The following APAF1 variants were observed in gnomAD, a reference collection of about 807,000 sequenced individuals.
APAF1 encodes apoptotic protease-activating factor 1.
In APAF1, 91 loss-of-function variants were observed where a neutral mutation model predicts 152.4. The observed-to-expected ratio is 0.60, with a 90% CI of 0.50 to 0.71. The LOEUF (loss-of-function observed/expected upper bound fraction) is 0.71, where lower values mean the gene tolerates loss of function less well. Among genes scored for constraint, APAF1 ranks in the 30% least tolerant of loss-of-function variants. APAF1 has a pLI of 0.00. For synonymous variants in APAF1, 484 were observed against 494.1 expected, an observed-to-expected ratio of 0.98 and a Z score of 0.27; for missense variants, 1,283 against 1,472.0, an observed-to-expected ratio of 0.87 and a Z score of 2.10.
Position 98,686,775 on chromosome 12 carries a change from C to A in APAF1, c.2206C>A (p.Arg736=), listed in dbSNP as rs150355642. Residue 736 remains arginine, a synonymous_variant, in exon 16 of 27, where the codon CGA becomes AGA. Transcript: ENST00000551964. The part of the protein sequence containing the change: ...KLWDLNQKEC[R]NTMFGHTNSV... ...TTGGGATTTGAATCAAAAAGAATGTCGAAATACCATGTTTGGTCATACAAA... is the reference window on the plus strand; with the variant it reads ...TTGGGATTTGAATCAAAAAGAATGTAGAAATACCATGTTTGGTCATACAAA... The A allele has an allele frequency of 7.4e-6, 12 of 1,613,380 alleles. No individual in the cohort carries two copies. Among genetic ancestry groups the A allele is most frequent in the Admixed American group, 1.7e-5 (1 of 59,962 alleles).
rs372848277 is a variant in APAF1 at position 98,654,706 on chromosome 12, C to T, written c.527-4454C>T. On this transcript the variant is annotated intron_variant, in intron 4 of 26. Coordinates refer to ENST00000551964, the MANE Select transcript of APAF1 (RefSeq NM_181861.2). ...ACAGGTGTGAGCTGCTGTGCCTGGC[C>T]GATTTTTACAAATTTTAGGTAGTAC... Among the ~76,000 whole-genome samples the T allele has an allele frequency of 1.3e-4, 20 of 150,612 alleles. No individual in the cohort carries two copies. In the East Asian group the frequency reaches 1.9e-3, roughly 15 times the overall value.
chr12:98,690,413 G>A (rs905220623), intron 16 of APAF1, among the ~76,000 whole-genome samples: 4 of 152,284 alleles, frequency 2.6e-5, no homozygotes, highest in Middle Eastern at 3.4e-3. Flanking sequence ...CAGAATACCC[G>A]TGGATGGATT....
At chr12:98,653,691 A>AAAAAATAT (rs2097652376) in intron 4 of APAF1, among the ~76,000 whole-genome samples, 1 of 15,088 alleles carries the variant, frequency 6.6e-5, no homozygotes, top group Non-Finnish European at 1.3e-4. Context: ...AAAAAAAAAA[A>AAAAAATAT]ATATATATAT....
At chr12:98,724,737 T>TTTA (rs139683823) in intron 24 of APAF1, among the ~76,000 whole-genome samples, 47,102 of 151,904 alleles carry the variant, frequency 0.31, 7,769 homozygotes, top group East Asian at 0.51. Flanking sequence ...TTCGTGAGCC[T>TTTA]GTCTTTGTGA....
rs2097644616 is a variant in APAF1 at position 98,648,336 on chromosome 12, A to G, written c.-24A>G. 6.2e-7 allele frequency: 1 copy of G among 1,612,868 alleles called. No homozygotes were observed. The highest frequency in any genetic ancestry group is 1.3e-5 in the African/African-American group (1 of 74,926). ...GGCTGTAGCTCATGGTTGACAGCTC[A>G]GAGAGAGAAAGATCTGAGGGAAGAT... On this transcript the variant is annotated 5_prime_UTR_variant, in exon 2 of 27. Transcript: ENST00000551964.
intron 4 of APAF1, among the ~76,000 whole-genome samples, chr12:98,658,009 T>A (rs1297747172): frequency 6.6e-6 from 1 of 152,210 alleles, no homozygotes; most frequent in Non-Finnish European, 1.5e-5. Flanking sequence ...ATTTAATTAT[T>A]TGTGAATACC....
rs778853424 is a variant in APAF1 at position 98,662,628 on chromosome 12, T to C, written c.824-47T>C. 6 of 1,608,512 alleles carry C rather than the reference T, an allele frequency of 3.7e-6. No homozygotes were observed. The South Asian group carries it at 5.5e-5, about 15-fold the overall frequency. On this transcript the variant is annotated intron_variant, in intron 6 of 26. Coordinates refer to ENST00000551964, the MANE Select transcript of APAF1 (RefSeq NM_181861.2). ...TATTTAATTTAATTACATTTAAATA[T>C]GTGACATACCAAATTACTTACTTTG... is the stretch of plus-strand genomic sequence containing the variant.
At chr12:98,680,838 A>G (rs2097691483) in intron 14 of APAF1, among the ~76,000 whole-genome samples, 1 of 152,258 alleles carries the variant, frequency 6.6e-6, no homozygotes, top group Admixed American at 6.5e-5. Context: ...AGACAAGTCC[A>G]TGGGTTAAAT....
chr12:98,723,407 T>TA (rs2097745850), intron 23 of APAF1, 95 bp downstream of exon 23: 1 of 1,392,414 alleles, frequency 7.2e-7, no homozygotes, highest in African/African-American at 1.4e-5. Flanking sequence ...GCTAATTACT[T>TA]ACTTAAAAAT....
intron 7 of APAF1, among the ~76,000 whole-genome samples, chr12:98,663,477 G>T (rs762402964): frequency 6.6e-6 from 1 of 152,022 alleles, no homozygotes; most frequent in South Asian, 2.1e-4. Context: ...GCCTCCTAAA[G>T]CACTGGGACT....
intron 22 of APAF1, among the ~76,000 whole-genome samples, chr12:98,720,639 C>T (rs1430853639): frequency 6.6e-6 from 1 of 152,102 alleles, no homozygotes; most frequent in Non-Finnish European, 1.5e-5. Context: ...TTACATGAGC[C>T]AGTATATAGG....
At chr12:98,651,272 ATTC>A (rs1270617174) in intron 4 of APAF1, among the ~76,000 whole-genome samples, 1 of 152,200 alleles carries the variant, frequency 6.6e-6, no homozygotes, top group East Asian at 1.9e-4. Context: ...AAAATTTCCT[ATTC>A]TTATTTCCTT....
chr12:98,676,967 A>G (rs992681157), intron 12 of APAF1, among the ~76,000 whole-genome samples: 4 of 152,240 alleles, frequency 2.6e-5, no homozygotes, highest in Non-Finnish European at 4.4e-5. Flanking sequence ...TTTAAAGTAC[A>G]TCATAATAAT....
chr12:98,651,411 T>C (rs1296288503), intron 4 of APAF1, among the ~76,000 whole-genome samples: 1 of 152,236 alleles, frequency 6.6e-6, no homozygotes, highest in African/African-American at 2.4e-5. Context: ...GCATAGATGT[T>C]ATGGTATTAT....
At chr12:98,688,618 G>A (rs1229820681) in intron 16 of APAF1, among the ~76,000 whole-genome samples, 1 of 146,240 alleles carries the variant, frequency 6.8e-6, no homozygotes. Flanking sequence ...TCACAAGCAT[G>A]TGCCATCACA....
intron 4 of APAF1, 94 bp from the exon 5 acceptor site, chr12:98,659,066 G>C (rs536381161): frequency 7.7e-5 from 95 of 1,233,582 alleles, no homozygotes; most frequent in Non-Finnish European, 1.1e-4. Context: ...TGATGGGATT[G>C]TAAATTGGAG....
chr12:98,667,423 A>G, intron 9 of APAF1, 90 bp from the exon 10 acceptor site: 1 of 1,520,496 alleles, frequency 6.6e-7, no homozygotes, highest in Non-Finnish European at 9.0e-7. Context: ...GCCTCTCTGT[A>G]CATTCTTAAT....
chr12:98,693,404 T>C (rs1451064234), intron 16 of APAF1, among the ~76,000 whole-genome samples: 2 of 152,208 alleles, frequency 1.3e-5, no homozygotes, highest in African/African-American at 4.8e-5. Context: ...AACTGATTTT[T>C]GTACATTGAT....
chr12:98,667,386 G>T (rs959150402), intron 9 of APAF1, 127 bp from the exon 10 acceptor site: 6 of 1,129,104 alleles, frequency 5.3e-6, no homozygotes, highest in Non-Finnish European at 7.9e-6. Context: ...AAAGTGCTGG[G>T]ATTACAGGCG....
Sources: allele counts gnomAD v4.1 joint callset (sites outside exome capture counted in the v4.1 genomes callset), GRCh38; gene constraint gnomAD v4.1.1; transcripts MANE v1.5; gene names NCBI Gene and HGNC (gene_info 2026-07-23, HGNC 2026-07-21).